PHF21A: variants seen among roughly 807,000 people sequenced by gnomAD.
PHF21A encodes PHD finger protein 21A, also known as BHC80a.
In PHF21A, 11 loss-of-function variants were observed where a neutral mutation model predicts 82.5. The observed-to-expected ratio is 0.13, with a 90% CI of 0.08 to 0.22. The LOEUF is 0.22. PHF21A is among the 10% of genes least tolerant of loss of function. The probability of loss-of-function intolerance (pLI) is 1.00; values close to 1 mark genes in which losing one functional copy is unlikely to be tolerated. For synonymous variants in PHF21A, 297 were observed against 302.8 expected (o/e 0.98, Z 0.20); for missense variants, 579 against 837.8 (o/e 0.69, Z 3.81).
intron 6 of PHF21A, among the ~76,000 whole-genome samples, chr11:45,987,931 A>T (rs375036326): frequency 1.2e-3 from 184 of 152,286 alleles, no homozygotes; most frequent in African/African-American, 3.7e-3. Flanking sequence ...ATTCCTCTGC[A>T]CTGTAGCTGC....
At chr11:46,021,073 A>AG (rs1345051017) in intron 6 of PHF21A, among the ~76,000 whole-genome samples, 56 of 149,230 alleles carry the variant, frequency 3.8e-4, no homozygotes, top group African/African-American at 1.4e-3. Context: ...AAAAAAAAAA[A>AG]AAGAGAGACA....
chr11:45,930,401 GCCAGGGCGGCCCCA>G lies in PHF21A; in HGVS notation c.*3553_*3566del, dbSNP rs940362397. 19 of 152,390 alleles carry G rather than the reference GCCAGGGCGGCCCCA, an allele frequency of 1.2e-4. No individual in the cohort carries two copies. The highest frequency in any genetic ancestry group is 4.6e-4 in the African/African-American group (19 of 41,480). 9.4% of individuals were successfully genotyped at this position (152,390 alleles called of 1,614,324 possible). The stretch of plus-strand genomic sequence containing the variant: ...CACACGATGGTGCCAGCTGGAGGCT[GCCAGGGCGGCCCCA>G]CCAGGGACTGCCCCTAACTGCCTCC... On this transcript the variant is annotated 3_prime_UTR_variant, in exon 19 of 19. Transcript: ENST00000676320.
chr11:46,108,890 C>G (rs754708897), intron 1 of PHF21A, among the ~76,000 whole-genome samples: 4 of 152,170 alleles, frequency 2.6e-5, no homozygotes, highest in Non-Finnish European at 5.9e-5. Flanking sequence ...AGACCCCACC[C>G]CATGCTACGC....
intron 6 of PHF21A, among the ~76,000 whole-genome samples, chr11:46,020,031 A>T (rs1026279690): frequency 2.6e-5 from 4 of 151,728 alleles, no homozygotes; most frequent in African/African-American, 9.7e-5. Flanking sequence ...GACCTGAATG[A>T]TGATACTAAA....
intron 6 of PHF21A, among the ~76,000 whole-genome samples, chr11:46,000,471 T>C (rs1054152003): frequency 1.3e-5 from 2 of 151,946 alleles, no homozygotes; most frequent in African/African-American, 4.8e-5. Context: ...AGAAACTAGG[T>C]AACAGTCAAA....
At chr11:45,966,344 A>G (rs2946002) in intron 9 of PHF21A, among the ~76,000 whole-genome samples, 133,822 of 152,162 alleles carry the variant, frequency 0.88, 59,073 homozygotes, top group East Asian at 1. Context: ...CTCAGTAAGT[A>G]CCCTTTTCTT....
chr11:45,983,421 G>A (rs1176264589), intron 6 of PHF21A, among the ~76,000 whole-genome samples: 2 of 151,974 alleles, frequency 1.3e-5, no homozygotes, highest in Admixed American at 1.3e-4. Flanking sequence ...GAAATGAATT[G>A]TCCCTTACTC....
At chr11:45,954,493 A>C (rs1468759388) in intron 10 of PHF21A, among the ~76,000 whole-genome samples, 2 of 152,108 alleles carry the variant, frequency 1.3e-5, no homozygotes, top group Admixed American at 6.5e-5. Context: ...TGCAATTGCT[A>C]AGAGTGGGCC....
At chr11:45,963,782 C>A (rs2093263683) in intron 10 of PHF21A, among the ~76,000 whole-genome samples, 1 of 152,136 alleles carries the variant, frequency 6.6e-6, no homozygotes, top group Non-Finnish European at 1.5e-5. Flanking sequence ...TCTTTGAGAG[C>A]CAGTGCAAAA....
intron 6 of PHF21A, among the ~76,000 whole-genome samples, chr11:45,990,298 C>G (rs11038735): frequency 1 from 131,810 of 131,984 alleles, 65,819 homozygotes; most frequent in Middle Eastern, 1. Flanking sequence ...TCACTCTGTC[C>G]CCCAGGCTGG....
At chr11:45,948,681 G>A (rs899938294) in intron 14 of PHF21A, among the ~76,000 whole-genome samples, 20 of 152,252 alleles carry the variant, frequency 1.3e-4, no homozygotes, top group African/African-American at 4.8e-4. Flanking sequence ...CAGAATCCTA[G>A]TAAAGTCAGC....
At chr11:46,115,912 A>G (rs539081256) in intron 1 of PHF21A, among the ~76,000 whole-genome samples, 6 of 152,282 alleles carry the variant, frequency 3.9e-5, no homozygotes, top group Admixed American at 1.3e-4. Context: ...GTAGGATGAA[A>G]AAGTTAATAA....
chr11:46,064,999 A>C (rs755636877), intron 6 of PHF21A, among the ~76,000 whole-genome samples: 10 of 152,254 alleles, frequency 6.6e-5, no homozygotes, highest in Non-Finnish European at 1.5e-4. Flanking sequence ...ACTTCATGGT[A>C]TTTCAGCATG....
chr11:45,953,579 C>T lies in PHF21A; in HGVS notation c.1043G>A (p.Arg348His), dbSNP rs3736508. 110,680 of 1,612,970 alleles carry T rather than the reference C, an allele frequency of 0.069. 15,437 individuals are homozygous for T. The highest frequency in any genetic ancestry group is 0.65 in the East Asian group (29,017 of 44,816). Reference sequence around the variant, plus strand: ...GGGTGCAGCAGGTGGGGTGATGGTGCGGCTCTCTGTTTGTTTCTCATCTGT... The same window carrying T: ...GGGTGCAGCAGGTGGGGTGATGGTGTGGCTCTCTGTTTGTTTCTCATCTGT... ...TETDEKQTES[R>H]TITPPAAPKP... Residue 348 changes from arginine to histidine, a missense_variant, in exon 11 of 19, where the codon CGC (arginine) becomes CAC (histidine). This residue lies in a region of PHF21A where 410 missense variants were observed against 642.1 expected (regional missense o/e 0.64). Transcript: ENST00000676320.
At chr11:46,115,677 T>C (rs2097280393) in intron 1 of PHF21A, among the ~76,000 whole-genome samples, 2 of 152,174 alleles carry the variant, frequency 1.3e-5, no homozygotes, top group East Asian at 1.9e-4. Context: ...CAAAATAATA[T>C]GAAAATTCAA....
At chr11:46,076,044 A>T (rs34225581) in intron 6 of PHF21A, among the ~76,000 whole-genome samples, 7,084 of 152,310 alleles carry the variant, frequency 0.047, 268 homozygotes, top group Non-Finnish European at 0.072. Context: ...AGAAACAAGA[A>T]AACAAATGCT....
intron 10 of PHF21A, among the ~76,000 whole-genome samples, chr11:45,959,787 A>G (rs2092962097): frequency 6.6e-6 from 1 of 152,238 alleles, no homozygotes; most frequent in Non-Finnish European, 1.5e-5. Flanking sequence ...AAATATTTGC[A>G]AATCATGTAA....
chr11:46,018,249 C>CAAAAAA (rs772133757), intron 6 of PHF21A, among the ~76,000 whole-genome samples: 1 of 76,216 alleles, frequency 1.3e-5, no homozygotes, highest in Non-Finnish European at 2.8e-5. Flanking sequence ...GACTCCGTCT[C>CAAAAAA]AAAAAAAAAA....
intron 1 of PHF21A, among the ~76,000 whole-genome samples, chr11:46,101,836 A>G (rs958746901): frequency 1.2e-4 from 18 of 147,048 alleles, no homozygotes; most frequent in Non-Finnish European, 2.7e-4. Context: ...GGGTTTCACC[A>G]TGTTGCCCGT....
Sources: gnomAD v4.1 joint callset for allele counts (sites outside exome capture counted in the v4.1 genomes callset) on GRCh38, gnomAD v4.1.1 for gene constraint, gnomAD v4.1.1 regional missense constraint, MANE v1.5 for transcripts, NCBI Gene and HGNC (gene_info 2026-07-23, HGNC 2026-07-21) for gene names.